Variants in KCNK13 observed in about 807,000 individuals in gnomAD.
KCNK13 encodes potassium two pore domain channel subfamily K member 13, also known as potassium channel subfamily K member 13.
Under a neutral mutation model 23.4 loss-of-function variants are expected in KCNK13, and 12 were observed. The observed-to-expected ratio is 0.51, with a 90% confidence interval of 0.33 to 0.83. The LOEUF is 0.83. Among genes scored for constraint, KCNK13 ranks in the 40% least tolerant of loss-of-function variants. KCNK13 has a pLI of 0.02. For missense variants in KCNK13, 463 were observed against 556.3 expected (o/e 0.83, Z 1.69); for synonymous variants, 231 against 229.5 (o/e 1.01, Z -0.06).
At chr14:90,101,907 G>A (rs1889485909) in intron 1 of KCNK13, among the ~76,000 whole-genome samples, 2 of 149,928 alleles carry the variant, frequency 1.3e-5, no homozygotes, top group Non-Finnish European at 3.0e-5. Flanking sequence ...TTTTTAAACG[G>A]AGTTTTGCTC....
At chr14:90,078,022 A>G (rs17260604) in intron 1 of KCNK13, among the ~76,000 whole-genome samples, 2,386 of 152,290 alleles carry the variant, frequency 0.016, 93 homozygotes, top group East Asian at 0.12. Context: ...TACATATCTG[A>G]TATTTGGAAT....
intron 1 of KCNK13, among the ~76,000 whole-genome samples, chr14:90,140,780 C>T (rs1245511676): frequency 2.0e-5 from 3 of 152,144 alleles, no homozygotes; most frequent in Admixed American, 2.0e-4. Flanking sequence ...AGAAATAAAT[C>T]AGCAAAGGTC....
intron 1 of KCNK13, among the ~76,000 whole-genome samples, chr14:90,080,542 CA>C (rs1005053429): frequency 2.0e-5 from 3 of 150,136 alleles, no homozygotes; most frequent in African/African-American, 4.9e-5. Context: ...TTCCAGATGT[CA>C]AAAAAAAATG....
Position 90,168,714 on chromosome 14 carries a change from A to G in KCNK13, c.335-15397A>G, listed in dbSNP as rs147396316. ...AGCTCCTCAGGGGATTTCTTGGCAT[A>G]CTAAAGTTTAGGACCTTTGTCCCAG... On this transcript the variant is annotated intron_variant, in intron 1 of 1. Coordinates refer to ENST00000282146, the MANE Select transcript of KCNK13 (RefSeq NM_022054.4). 3.7e-3 allele frequency among the ~76,000 whole-genome samples: 562 copies of G among 152,364 alleles called. 3 individuals carry two copies. The highest frequency in any genetic ancestry group is 0.013 in the African/African-American group (542 of 41,590).
rs567785134 is a variant in KCNK13, at chr14:90,087,008, C to T, written c.334+24469C>T. On this transcript the variant is annotated intron_variant, in intron 1 of 1. Transcript: ENST00000282146. ...GCACCAGTGAAATCACAGATCCATT[C>T]CCTCCACCTGATAGTCAGGGCAGAT... Among the ~76,000 whole-genome samples the T allele has an allele frequency of 3.1e-3, 471 of 151,566 alleles. 3 individuals carry two copies. Among genetic ancestry groups the T allele is most frequent in the African/African-American group, 0.011 (450 of 41,332 alleles).
Position 90,184,730 on chromosome 14 carries a change from C to A in KCNK13, c.954C>A (p.Ser318Arg), listed in dbSNP as rs752735602. 1 of 1,614,160 alleles carries A rather than the reference C, an allele frequency of 6.2e-7. No homozygotes were observed. The highest frequency in any genetic ancestry group is 1.3e-5 in the African/African-American group (1 of 75,056). Residue 318 changes from serine (S) to arginine (R), a missense_variant, in exon 2 of 2, where the codon AGC (serine) becomes AGA (arginine). This residue lies in a region of KCNK13 where 166 missense variants were observed against 178.8 expected (regional missense o/e 0.93). Coordinates refer to ENST00000282146, the MANE Select transcript of KCNK13 (RefSeq NM_022054.4). This position sits in a 1 kb window ranked among gnomAD's most constrained non-coding sequence, Gnocchi z 5.6. ...GCAGGAACGTGGTGATGCCAGGCAG[C>A]GTCCGGAACCGCTGCAACATCTCCA... The part of the protein sequence containing the change: ...RSRRNVVMPG[S>R]VRNRCNISIE...
intron 1 of KCNK13, among the ~76,000 whole-genome samples, chr14:90,146,063 C>T (rs1162506148): frequency 6.6e-6 from 1 of 152,110 alleles, no homozygotes; most frequent in African/African-American, 2.4e-5. Flanking sequence ...ATCTTAAGCC[C>T]TAATTTTCAG....
At chr14:90,073,268 G>A (rs1308293296) in intron 1 of KCNK13, among the ~76,000 whole-genome samples, 4 of 152,092 alleles carry the variant, frequency 2.6e-5, no homozygotes, top group Admixed American at 6.6e-5. Flanking sequence ...GTGCTACTAC[G>A]GGTGTAAGGT....
intron 1 of KCNK13, among the ~76,000 whole-genome samples, chr14:90,093,858 T>C (rs972008786): frequency 4.6e-5 from 7 of 152,220 alleles, no homozygotes; most frequent in Non-Finnish European, 7.3e-5. Flanking sequence ...ATATTTGGAT[T>C]GCCTTGAATG....
intron 1 of KCNK13, among the ~76,000 whole-genome samples, chr14:90,172,413 C>T (rs1383055545): frequency 6.6e-6 from 1 of 151,850 alleles, no homozygotes; most frequent in East Asian, 1.9e-4. Flanking sequence ...AGGAGTTCCT[C>T]GAGGGCGAGG....
chr14:90,126,629 C>T (rs1027065234), intron 1 of KCNK13, among the ~76,000 whole-genome samples: 3 of 152,016 alleles, frequency 2.0e-5, no homozygotes, highest in African/African-American at 7.3e-5. Context: ...CTGCAACCTC[C>T]GCCTCCTGGG....
rs1450362264 is a variant in KCNK13, at chr14:90,137,769, G to C, written c.335-46342G>C. ...GCTGTGTGTTCATCACATTAGAACT[G>C]CAAATGTCAGAATTTATTTTCCTAC... On this transcript the variant is annotated intron_variant, in intron 1 of 1. Coordinates refer to ENST00000282146, the MANE Select transcript of KCNK13 (RefSeq NM_022054.4). Among the ~76,000 whole-genome samples the C allele has an allele frequency of 2.6e-5, 4 of 152,306 alleles. No individual in the cohort carries two copies. The East Asian group carries it at 7.7e-4, about 29-fold the overall frequency.
chr14:90,155,356 T>C lies in KCNK13; in HGVS notation c.335-28755T>C, dbSNP rs114057144. On this transcript the variant is annotated intron_variant, in intron 1 of 1. Coordinates refer to ENST00000282146, the MANE Select transcript of KCNK13 (RefSeq NM_022054.4). ...GCTGGAGAAGAATTTAGAGGTAGGA[T>C]TGGGGAGGGGAAGATTGGGGCAGCT... is the stretch of plus-strand genomic sequence containing the variant. 4.9e-3 allele frequency among the ~76,000 whole-genome samples: 737 copies of C among 151,854 alleles called. 3 individuals carry two copies. The highest frequency in any genetic ancestry group is 0.017 in the African/African-American group (693 of 41,388).
intron 1 of KCNK13, among the ~76,000 whole-genome samples, chr14:90,078,665 T>A (rs1292465033): frequency 2.0e-5 from 3 of 152,052 alleles, no homozygotes; most frequent in Non-Finnish European, 2.9e-5. Flanking sequence ...GGGATGTAGT[T>A]GTGCTGAGAA....
At chr14:90,152,719 A>G (rs1472929377) in intron 1 of KCNK13, among the ~76,000 whole-genome samples, 1 of 152,188 alleles carries the variant, frequency 6.6e-6, no homozygotes, top group Non-Finnish European at 1.5e-5. Flanking sequence ...CTATTTTAAA[A>G]TCAGATAGTG....
chr14:90,074,136 A>C (rs1275845958), intron 1 of KCNK13, among the ~76,000 whole-genome samples: 1 of 150,466 alleles, frequency 6.6e-6, no homozygotes, highest in African/African-American at 2.5e-5. Context: ...CACCTGGCTA[A>C]TTTTTGTATT....
chr14:90,102,081 C>T (rs977466753), intron 1 of KCNK13, among the ~76,000 whole-genome samples: 1 of 152,030 alleles, frequency 6.6e-6, no homozygotes, highest in African/African-American at 2.4e-5. Context: ...TGGGATTTCT[C>T]CATGTTGGCC....
At chr14:90,103,503 A>G (rs1889506027) in intron 1 of KCNK13, among the ~76,000 whole-genome samples, 1 of 152,154 alleles carries the variant, frequency 6.6e-6, no homozygotes, top group Non-Finnish European at 1.5e-5. Context: ...AAAATAATGC[A>G]GGTATTTTTG....
intron 1 of KCNK13, among the ~76,000 whole-genome samples, chr14:90,118,020 G>A (rs978082897): frequency 3.9e-5 from 6 of 152,156 alleles, no homozygotes; most frequent in African/African-American, 1.4e-4. Context: ...TACAACCAAG[G>A]AGGACTTAAC....
Sources: gnomAD v4.1 joint callset for allele counts (sites outside exome capture counted in the v4.1 genomes callset) on GRCh38, gnomAD v4.1.1 for gene constraint, gnomAD v4.1.1 regional missense constraint, Gnocchi (gnomAD v3.1) non-coding constraint, MANE v1.5 for transcripts, NCBI Gene and HGNC (gene_info 2026-07-23, HGNC 2026-07-21) for gene names.